The following ROBO2 variants were observed in gnomAD, a reference collection of about 807,000 sequenced individuals.
ROBO2 encodes the protein roundabout homolog 2.
ROBO2 carries 53 observed loss-of-function variants against 160.8 expected under a neutral mutation model. The ratio of observed to expected loss-of-function variants is 0.33; its 90% CI spans 0.26 to 0.41. The LOEUF (loss-of-function observed/expected upper bound fraction) is 0.41, where lower values mean the gene tolerates loss of function less well. Ranked by LOEUF, ROBO2 falls within the 10% of genes least tolerant of loss-of-function variation. The probability of loss-of-function intolerance (pLI) is 1.00; values close to 1 mark genes in which losing one functional copy is unlikely to be tolerated. For missense variants in ROBO2, 1,577 were observed against 1,722.4 expected (o/e 0.92, Z 1.49); for synonymous variants, 664 against 611.7 (o/e 1.09, Z -1.26).
At chr3:76,884,522 G>A (rs1166038614) in intron 2 of ROBO2, among the ~76,000 whole-genome samples, 1 of 152,154 alleles carries the variant, frequency 6.6e-6, no homozygotes, top group African/African-American at 2.4e-5. Flanking sequence ...CAGCTGGTAT[G>A]TCAAATCAGA....
chr3:76,754,451 TC>T (rs1379201908), intron 2 of ROBO2, among the ~76,000 whole-genome samples: 1 of 151,888 alleles, frequency 6.6e-6, no homozygotes, highest in African/African-American at 2.4e-5. Flanking sequence ...CACTGTGATT[TC>T]CCCAGTCTTG....
At chr3:76,603,347 AAAAAATATATATATAT>A (rs1191939055) in intron 2 of ROBO2, among the ~76,000 whole-genome samples, 673 of 44,940 alleles carry the variant, frequency 0.015, 7 homozygotes, top group Middle Eastern at 0.023. Context: ...AAAAAAAAAA[AAAAAATATATATATAT>A]ATATATATAT....
chr3:77,491,386 T>C (rs1432371823), intron 4 of ROBO2, among the ~76,000 whole-genome samples: 1 of 152,184 alleles, frequency 6.6e-6, no homozygotes, highest in East Asian at 1.9e-4. Flanking sequence ...TGGGTTAATG[T>C]AGTTTTTGGA....
intron 2 of ROBO2, among the ~76,000 whole-genome samples, chr3:76,368,842 G>A (rs1024468957): frequency 3.8e-4 from 58 of 151,874 alleles, no homozygotes; most frequent in African/African-American, 1.4e-3. Context: ...GATACCTTGC[G>A]ATGTAGAGGA....
intron 2 of ROBO2, among the ~76,000 whole-genome samples, chr3:76,887,193 C>CCTTTTTTTTTTTTTTTTTTTT (rs1178064382): frequency 1.7e-5 from 2 of 120,448 alleles, no homozygotes; most frequent in Admixed American, 9.8e-5. Flanking sequence ...CTTCAGGAAG[C>CCTTTTTTTTTTTTTTTTTTTT]ATTTTTTTTT....
At chr3:75,951,940 A>G (rs1304793497) in intron 2 of ROBO2, among the ~76,000 whole-genome samples, 1 of 152,056 alleles carries the variant, frequency 6.6e-6, no homozygotes, top group Non-Finnish European at 1.5e-5. Flanking sequence ...AAAATAAAAT[A>G]AGAAATTTAG....
At chr3:77,524,374 A>G (rs2090929856) in intron 6 of ROBO2, among the ~76,000 whole-genome samples, 1 of 151,298 alleles carries the variant, frequency 6.6e-6, no homozygotes, top group Non-Finnish European at 1.5e-5. Context: ...CTCTACATGG[A>G]TAACTTCATA....
chr3:75,924,159 T>C (rs1444759728), intron 1 of ROBO2, among the ~76,000 whole-genome samples: 3 of 152,208 alleles, frequency 2.0e-5, no homozygotes, highest in Non-Finnish European at 4.4e-5. Flanking sequence ...CTTAATAGGA[T>C]GACCTTTTGA....
Position 76,888,212 on chromosome 3 carries a change from A to G in ROBO2, c.110-209802A>G, listed in dbSNP as rs540597088. ...GTGAAACCCCGTCTCCACTAAAAAT[A>G]TAAAGATTAGCCAGGTGTAGTGGTG... On this transcript the variant is annotated intron_variant, in intron 2 of 26. Transcript: ENST00000487694. 1.2e-3 allele frequency among the ~76,000 whole-genome samples: 180 copies of G among 152,242 alleles called. 1 individual carries two copies. Among genetic ancestry groups the G allele is most frequent in the African/African-American group, 3.9e-3 (160 of 41,534 alleles).
chr3:77,158,926 C>T (rs1049272311), intron 2 of ROBO2, among the ~76,000 whole-genome samples: 7 of 152,156 alleles, frequency 4.6e-5, no homozygotes, highest in South Asian at 2.1e-4. Context: ...ACATTTTCAC[C>T]GTTTACCCTG....
At chr3:76,677,852 A>G (rs2092449498) in intron 2 of ROBO2, among the ~76,000 whole-genome samples, 1 of 151,806 alleles carries the variant, frequency 6.6e-6, no homozygotes, top group African/African-American at 2.4e-5. Flanking sequence ...CTTCTAGCAT[A>G]ATCCCAGGGT....
chr3:75,946,527 G>T (rs556732652), intron 2 of ROBO2, among the ~76,000 whole-genome samples: 1 of 152,026 alleles, frequency 6.6e-6, no homozygotes, highest in Non-Finnish European at 1.5e-5. Context: ...TGGTAACATG[G>T]TTGAGTAAAA....
intron 7 of ROBO2, among the ~76,000 whole-genome samples, chr3:77,549,056 G>A (rs561368704): frequency 6.6e-6 from 1 of 151,966 alleles, no homozygotes. Context: ...GCTCTAATAG[G>A]ATACCCAGGC....
At chr3:76,770,302 C>A (rs2061812522) in intron 2 of ROBO2, among the ~76,000 whole-genome samples, 1 of 151,276 alleles carries the variant, frequency 6.6e-6, no homozygotes, top group African/African-American at 2.4e-5. Flanking sequence ...TCTCCTCTCT[C>A]CTTTTTTCAT....
chr3:76,547,677 C>T (rs1038592168), intron 2 of ROBO2, among the ~76,000 whole-genome samples: 1 of 151,988 alleles, frequency 6.6e-6, no homozygotes, highest in Non-Finnish European at 1.5e-5. Context: ...TTCTAATTAC[C>T]TCTATGCTAG....
chr3:76,582,454 TG>T (rs566064640), intron 2 of ROBO2, among the ~76,000 whole-genome samples: 12 of 152,128 alleles, frequency 7.9e-5, no homozygotes, highest in Non-Finnish European at 1.2e-4. Context: ...ATTTTTTAAT[TG>T]AAACACTCAG....
chr3:76,991,222 T>C (rs1281822292), intron 2 of ROBO2, among the ~76,000 whole-genome samples: 1 of 152,214 alleles, frequency 6.6e-6, no homozygotes, highest in Non-Finnish European at 1.5e-5. Flanking sequence ...CAGACATGTA[T>C]GCAGACCCTT....
intron 2 of ROBO2, among the ~76,000 whole-genome samples, chr3:76,185,215 T>TATATATATATATATGTATACAC: frequency 1.1e-5 from 1 of 90,312 alleles, no homozygotes; most frequent in Non-Finnish European, 2.3e-5. Context: ...TATATATATA[T>TATATATATATATATGTATACAC]ACACACACAA....
intron 2 of ROBO2, among the ~76,000 whole-genome samples, chr3:76,474,072 AGTT>A (rs1331729373): frequency 2.0e-5 from 3 of 152,168 alleles, no homozygotes; most frequent in Non-Finnish European, 4.4e-5. Context: ...TTATAGAGTA[AGTT>A]CCTCTTCAGA....
Sources: allele counts gnomAD v4.1 joint callset (sites outside exome capture counted in the v4.1 genomes callset), GRCh38; gene constraint gnomAD v4.1.1; transcripts MANE v1.5; gene names NCBI Gene and HGNC (gene_info 2026-07-23, HGNC 2026-07-21).